The following NXPE1 variants were observed in gnomAD, a reference collection of about 807,000 sequenced individuals.
NXPE1 encodes the protein neurexophilin and PC-esterase domain family member 1.
Under a neutral mutation model 33.3 loss-of-function variants are expected in NXPE1, and 31 were observed. That is an observed-to-expected ratio of 0.93 (90% confidence interval 0.70 to 1.26). The LOEUF (loss-of-function observed/expected upper bound fraction) is 1.26, where lower values mean the gene tolerates loss of function less well. Ranked by LOEUF, NXPE1 falls within the 50% of genes most tolerant of loss-of-function variation. The pLI, the probability that NXPE1 is intolerant of heterozygous loss-of-function variation, is 0.00. For synonymous variants in NXPE1, 229 were observed against 231.4 expected (o/e 0.99, Z 0.09); for missense variants, 661 against 655.6 (o/e 1.01, Z -0.09).
intron 6 of NXPE1, 23 bp from the exon 7 acceptor site, chr11:114,527,924 T>A (rs774189740): frequency 3.8e-6 from 6 of 1,566,266 alleles, no homozygotes; most frequent in Non-Finnish European, 5.2e-6. Flanking sequence ...AATAGAACAA[T>A]AAATTAGCCT....
In NXPE1 at chr11:114,530,888, T is replaced by A. The variant is rs759875251; in HGVS notation, c.120A>T (p.Leu40Phe). The A allele has an allele frequency of 3.7e-6, 6 of 1,611,780 alleles. No homozygotes were observed. In the African/African-American group the frequency reaches 8.0e-5, roughly 22 times the overall value. ...TGTTCCAGTAATGGACAGAGATGGATAAGTTTAGAGCAGACCAAAGCTGAA... is the reference window on the plus strand; with the variant it reads ...TGTTCCAGTAATGGACAGAGATGGAAAAGTTTAGAGCAGACCAAAGCTGAA... Residue 40 changes from leucine to phenylalanine, a missense_variant, in exon 6 of 9, where the codon TTA becomes TTT. Physicochemically the swap from Leu to Phe is conservative, Grantham distance 22. Coordinates refer to ENST00000534921, the Ensembl canonical transcript of NXPE1.
intron 7 of NXPE1, chr11:114,526,807 A>C (rs554530770): frequency 6.6e-6 from 1 of 152,314 alleles, no homozygotes; most frequent in African/African-American, 2.4e-5. Context: ...GGTCCATGCA[A>C]TATTTTCCCC....
chr11:114,551,201 T>G, exon 5 of NXPE1: 1 of 1,529,452 alleles, frequency 6.5e-7, no homozygotes, highest in South Asian at 1.2e-5. Flanking sequence ...TTTGAGGACA[T>G]GACGAATGTC....
intron 1 of NXPE1, chr11:114,554,379 C>G (rs1948600927): frequency 1.0e-6 from 1 of 985,020 alleles, no homozygotes; most frequent in South Asian, 4.7e-5. Context: ...CTAGCTTAGA[C>G]CACAGAGGTG....
At chr11:114,548,236 C>A (rs937441565) in intron 5 of NXPE1, among the ~76,000 whole-genome samples, 1 of 152,012 alleles carries the variant, frequency 6.6e-6, no homozygotes, top group Non-Finnish European at 1.5e-5. Context: ...TTAAGGATAG[C>A]CACATCTAAT....
chr11:114,519,092 T>C (rs1947146846), downstream of NXPE1, among the ~76,000 whole-genome samples: 1 of 152,206 alleles, frequency 6.6e-6, no homozygotes, highest in Non-Finnish European at 1.5e-5. Context: ...ATGTGACCAA[T>C]TGACCCCACA....
At chr11:114,528,835 G>A in intron 6 of NXPE1, 1 of 676,984 alleles carries the variant, frequency 1.5e-6, no homozygotes. Context: ...GTGCCATCCT[G>A]AGAAGAGAAA....
At chr11:114,532,336 C>G (rs750235112) in intron 5 of NXPE1, among the ~76,000 whole-genome samples, 1 of 152,022 alleles carries the variant, frequency 6.6e-6, no homozygotes, top group African/African-American at 2.4e-5. Flanking sequence ...AAATGAAATT[C>G]CCCCAAAAGA....
chr11:114,555,433 G>T (rs1473004927), intron 1 of NXPE1, among the ~76,000 whole-genome samples: 3 of 152,110 alleles, frequency 2.0e-5, no homozygotes, highest in African/African-American at 7.2e-5. Context: ...CACCATGTTG[G>T]CCAGGATGGT....
chr11:114,523,967 A>G (rs145240894), intron 7 of NXPE1, among the ~76,000 whole-genome samples: 1,578 of 152,356 alleles, frequency 0.01, 73 homozygotes, highest in Admixed American at 0.089. Flanking sequence ...TCTGTCTCAC[A>G]TAACAGGCCT....
At chr11:114,521,762 GGCATGGTATAGT>G (rs1448656650) in exon 9 of NXPE1, 2 of 496,064 alleles carry the variant, frequency 4.0e-6, no homozygotes, top group Non-Finnish European at 7.0e-6. Flanking sequence ...ATCAGAACCA[GGCATGGTATAGT>G]CATTCTTCAT....
At chr11:114,535,734 A>C (rs941464743) in intron 5 of NXPE1, among the ~76,000 whole-genome samples, 1 of 152,208 alleles carries the variant, frequency 6.6e-6, no homozygotes, top group African/African-American at 2.4e-5. Context: ...AGAACTAGCT[A>C]TCCTAAATAT....
chr11:114,536,079 T>G (rs1334420896), intron 5 of NXPE1, among the ~76,000 whole-genome samples: 1 of 152,142 alleles, frequency 6.6e-6, no homozygotes, highest in Non-Finnish European at 1.5e-5. Flanking sequence ...TATAACAAAC[T>G]GTCTCTCAGA....
downstream of NXPE1, among the ~76,000 whole-genome samples, chr11:114,519,018 T>A (rs1947144775): frequency 6.6e-6 from 1 of 152,192 alleles, no homozygotes; most frequent in African/African-American, 2.4e-5. Flanking sequence ...TTTCCAGATT[T>A]CCTTTTCTTA....
chr11:114,553,872 T>C, intron 1 of NXPE1: 2 of 963,954 alleles, frequency 2.1e-6, no homozygotes, highest in Non-Finnish European at 2.5e-6. Context: ...AAATAGGCCA[T>C]GATGGGTACA....
At chr11:114,521,721 T>C (rs1353405726) in exon 9 of NXPE1, 1 of 422,824 alleles carries the variant, frequency 2.4e-6, no homozygotes, top group Non-Finnish European at 4.2e-6. Flanking sequence ...AACATGGCTT[T>C]TAAAAAACTT....
At position 114,545,018 on chromosome 11, in the gene NXPE1, A is replaced by G. The variant is rs184251272; in HGVS notation, c.99+6085T>C. Reference sequence around the variant, plus strand: ...ATTAGAACAGCAATGAAATACTAATACATATCAATTAGAATGGCTAAAATT... The same window carrying G: ...ATTAGAACAGCAATGAAATACTAATGCATATCAATTAGAATGGCTAAAATT... On this transcript the variant is annotated intron_variant, in intron 5 of 8. Transcript: ENST00000534921. 2.9e-4 allele frequency among the ~76,000 whole-genome samples: 44 copies of G among 152,320 alleles called. No individual in the cohort carries two copies. The East Asian group carries it at 7.7e-3, about 27-fold the overall frequency.
chr11:114,532,689 T>C (rs912513878), intron 5 of NXPE1, among the ~76,000 whole-genome samples: 6 of 152,172 alleles, frequency 3.9e-5, no homozygotes, highest in Admixed American at 6.5e-5. Context: ...AGATGACTTT[T>C]AAATTCTCTG....
intron 5 of NXPE1, among the ~76,000 whole-genome samples, chr11:114,547,627 C>T (rs368590841): frequency 6.6e-5 from 10 of 151,870 alleles, no homozygotes; most frequent in African/African-American, 1.9e-4. Context: ...CCCAGCTACT[C>T]GGGAGGCTGA....
Sources: allele counts gnomAD v4.1 joint callset (sites outside exome capture counted in the v4.1 genomes callset), GRCh38; gene constraint gnomAD v4.1.1; transcripts MANE v1.5; gene names NCBI Gene and HGNC (gene_info 2026-07-23, HGNC 2026-07-21).